CCDC141: variants seen among roughly 807,000 people sequenced by gnomAD.
CCDC141 encodes the protein coiled-coil domain-containing protein 141.
In CCDC141, 168 loss-of-function variants were observed where a neutral mutation model predicts 181.0. The observed-to-expected ratio is 0.93, with a 90% CI of 0.82 to 1.05. CCDC141 has a LOEUF of 1.05. CCDC141 is among the 50% of genes least tolerant of loss of function. The probability of loss-of-function intolerance (pLI) is 0.00; values close to 1 mark genes in which losing one functional copy is unlikely to be tolerated. For synonymous variants in CCDC141, 666 were observed against 642.3 expected (o/e 1.04, Z -0.56); for missense variants, 1,902 against 1,788.5 (o/e 1.06, Z -1.14).
chr2:179,015,089 T>TATATATATATATATATATATA (rs2042405859), intron 2 of CCDC141, among the ~76,000 whole-genome samples: 5 of 47,118 alleles, frequency 1.1e-4, no homozygotes, highest in African/African-American at 3.2e-4. Context: ...TATATATATA[T>TATATATATATATATATATATA]ATATATATAT....
intron 21 of CCDC141, among the ~76,000 whole-genome samples, chr2:178,849,782 TA>T (rs1364779249): frequency 6.6e-6 from 1 of 152,244 alleles, no homozygotes; most frequent in Non-Finnish European, 1.5e-5. Context: ...ACACATTTTT[TA>T]GGATATGATC....
At chr2:178,840,313 C>T (rs899115574) in intron 22 of CCDC141, among the ~76,000 whole-genome samples, 6 of 152,166 alleles carry the variant, frequency 3.9e-5, no homozygotes, top group Non-Finnish European at 8.8e-5. Context: ...GACTTGTTGG[C>T]CTTCCAGGGG....
chr2:178,837,022 GCT>G lies in CCDC141; in HGVS notation c.4195_4196del (p.Ser1399GlnfsTer7). On this transcript the variant is annotated frameshift_variant, in exon 23 of 24. Transcript: ENST00000443758. LOFTEE classifies it high-confidence loss of function. Reference protein sequence around the residue: ...REEIKSTSAKSSVVSLADQAP... With the variant: ...REEIKSTSAKXSVVSLADQAP... ...CCTGGTCAGCTAGGCTGACCACGCT[GCT>G]CTTTGCTGATGTGCTTTTAATCTCT... is the stretch of plus-strand genomic sequence containing the variant. 4 of 1,614,008 alleles carry G rather than the reference GCT, an allele frequency of 2.5e-6. No homozygotes were observed. Among genetic ancestry groups the G allele is most frequent in the Non-Finnish European group, 3.4e-6 (4 of 1,179,950 alleles).
rs756001160 is a variant in CCDC141, at chr2:178,868,164, C to T, written c.2436G>A (p.Glu812=). 4.3e-6 allele frequency: 7 copies of T among 1,613,812 alleles called. No individual in the cohort carries two copies. In the African/African-American group the frequency reaches 9.3e-5, roughly 22 times the overall value. The change falls in exon 16 of 24, where the codon GAG becomes GAA. Residue 812 remains glutamate, a synonymous_variant. Transcript: ENST00000443758. The part of the protein sequence containing the change: ...LIKSRELEFV[E]QPKELGDAHD... ...GGGCATCACCCAGTTCCTTCGGCTGCTCTACAAACTCCAGCTCTCTTGATT... is the reference window on the plus strand; with the variant it reads ...GGGCATCACCCAGTTCCTTCGGCTGTTCTACAAACTCCAGCTCTCTTGATT...
At chr2:178,918,947 G>T in intron 6 of CCDC141, 40 bp from the exon 7 acceptor site, 1 of 1,498,630 alleles carries the variant, frequency 6.7e-7, no homozygotes, top group Non-Finnish European at 9.0e-7. Flanking sequence ...CATCTCCTCT[G>T]TTATGGACCG....
chr2:178,828,313 G>C (rs563833212), downstream of CCDC141, among the ~76,000 whole-genome samples: 4 of 152,246 alleles, frequency 2.6e-5, no homozygotes, highest in East Asian at 7.7e-4. Context: ...TGCGTAGCCA[G>C]TTTATCCCTT....
At chr2:178,883,753 T>G (rs1686738194) in intron 11 of CCDC141, among the ~76,000 whole-genome samples, 2 of 152,238 alleles carry the variant, frequency 1.3e-5, no homozygotes, top group South Asian at 4.2e-4. Flanking sequence ...TTACTAGGAT[T>G]GGGGTTAAAT....
At chr2:178,858,069 A>G (rs1334631082) in intron 17 of CCDC141, among the ~76,000 whole-genome samples, 5 of 152,208 alleles carry the variant, frequency 3.3e-5, no homozygotes, top group Non-Finnish European at 7.4e-5. Flanking sequence ...TGTTTAGTTT[A>G]TATGGTAAAT....
intron 22 of CCDC141, among the ~76,000 whole-genome samples, chr2:178,839,853 T>A (rs1337553158): frequency 1.3e-5 from 2 of 152,214 alleles, no homozygotes; most frequent in South Asian, 2.1e-4. Flanking sequence ...GCTCGGTCTC[T>A]CTGTCCATCT....
chr2:178,873,697 G>A (rs1232035786), intron 12 of CCDC141: 1 of 152,154 alleles, frequency 6.6e-6, no homozygotes, highest in Non-Finnish European at 1.5e-5. Context: ...GGCCACTCAA[G>A]AAGATTGAAT....
intron 2 of CCDC141, among the ~76,000 whole-genome samples, chr2:178,985,167 G>C (rs193014592): frequency 2.0e-4 from 31 of 151,798 alleles, no homozygotes; most frequent in Non-Finnish European, 3.2e-4. Flanking sequence ...GAATCTCACT[G>C]AAAACAGCTC....
intron 22 of CCDC141, among the ~76,000 whole-genome samples, chr2:178,841,912 C>T (rs1311615121): frequency 1.3e-5 from 2 of 152,188 alleles, no homozygotes; most frequent in Admixed American, 6.5e-5. Flanking sequence ...GGGTTACAGG[C>T]GTAAGCTACA....
intron 8 of CCDC141, among the ~76,000 whole-genome samples, chr2:178,890,539 G>C (rs908949238): frequency 7.2e-5 from 11 of 152,096 alleles, no homozygotes; most frequent in African/African-American, 2.7e-4. Flanking sequence ...CTGTTAGCCA[G>C]CTTCTTGCAG....
Position 178,833,125 on chromosome 2 carries a change from A to T in CCDC141, c.*1048T>A, listed in dbSNP as rs745598274. ...CATAAAACATCACTTTCCTCCATGG[A>T]ACTAGTTGAAGATTACATATTAACA... On this transcript the variant is annotated 3_prime_UTR_variant, in exon 24 of 24. Transcript: ENST00000443758. 1.3e-5 allele frequency: 2 copies of T among 152,200 alleles called. No individual in the cohort carries two copies. Among genetic ancestry groups the T allele is most frequent in the Non-Finnish European group, 2.9e-5 (2 of 68,038 alleles). 9.4% of individuals were successfully genotyped at this position (152,200 alleles called of 1,614,324 possible).
chr2:178,835,839 A>G (rs1433252561), intron 23 of CCDC141: 2 of 152,616 alleles, frequency 1.3e-5, no homozygotes, highest in Non-Finnish European at 2.9e-5. Context: ...TTTGTAAAAA[A>G]CATGCAACAG....
chr2:178,981,253 T>C (rs1691376669), intron 2 of CCDC141, among the ~76,000 whole-genome samples: 1 of 152,138 alleles, frequency 6.6e-6, no homozygotes, highest in African/African-American at 2.4e-5. Flanking sequence ...CTTGATCTAA[T>C]TGGCATTTAT....
chr2:178,866,430 T>G (rs778674116), intron 16 of CCDC141, among the ~76,000 whole-genome samples: 1 of 152,202 alleles, frequency 6.6e-6, no homozygotes, highest in African/African-American at 2.4e-5. Context: ...ACTAATAAAA[T>G]AAACTCTTTA....
rs1686994159 is a variant in CCDC141 at position 178,888,519 on chromosome 2, GA to G, written c.1407+7del. 3 of 1,549,676 alleles carry G rather than the reference GA, an allele frequency of 1.9e-6. No homozygotes were observed. The highest frequency in any genetic ancestry group is 2.6e-6 in the Non-Finnish European group (3 of 1,146,346). ...CTTAGATATTTAAGTTTTAGTTTAC[GA>G]AACTACCTTCCGTAGGTAACCCTCC... is the stretch of plus-strand genomic sequence containing the variant. On this transcript the variant is annotated splice_region_variant and intron_variant, in intron 9 of 23. Coordinates refer to ENST00000443758, the MANE Select transcript of CCDC141 (RefSeq NM_173648.4).
intron 21 of CCDC141, among the ~76,000 whole-genome samples, chr2:178,849,032 A>C (rs564975173): frequency 2.6e-5 from 4 of 152,186 alleles, no homozygotes; most frequent in Non-Finnish European, 5.9e-5. Context: ...GTAAAAAAAA[A>C]TCTAGATTTT....
Sources: allele counts gnomAD v4.1 joint callset (sites outside exome capture counted in the v4.1 genomes callset), GRCh38; gene constraint gnomAD v4.1.1; transcripts MANE v1.5; gene names NCBI Gene and HGNC (gene_info 2026-07-23, HGNC 2026-07-21).